The following F8 variants were observed in gnomAD, a reference collection of about 807,000 sequenced individuals.
The protein encoded by F8 is antihemophilic factor.
Under a neutral mutation model 140.6 loss-of-function variants are expected in F8, and 12 were observed. That is an observed-to-expected ratio of 0.09 (90% CI 0.05 to 0.14). The LOEUF is 0.14. Among genes scored for constraint, F8 ranks in the 10% least tolerant of loss-of-function variants. F8 has a pLI of 1.00. For synonymous variants in F8, 585 were observed against 614.6 expected (o/e 0.95, Z 0.71); for missense variants, 1,354 against 1,720.7 (o/e 0.79, Z 3.77).
chrX:154,985,442 AAAAG>A (rs1277042986), intron 5 of F8, among the ~76,000 whole-genome samples: 1 of 111,582 alleles, frequency 9.0e-6, no homozygotes, highest in African/African-American at 3.3e-5. Flanking sequence ...TCTCAAAAAA[AAAAG>A]AAAAGAAAAA....
At chrX:154,937,262 A>T (rs183972749) in intron 13 of F8, among the ~76,000 whole-genome samples, 1 of 111,795 alleles carries the variant, frequency 8.9e-6, no homozygotes, top group Non-Finnish European at 1.9e-5. Context: ...AAAATTCAAC[A>T]TAGAAAATAA....
chrX:154,913,769 A>G (rs28845018), intron 14 of F8, among the ~76,000 whole-genome samples: 62,619 of 111,753 alleles, frequency 0.56, 14,617 homozygotes, highest in African/African-American at 0.91. Context: ...CTCCACCCCC[A>G]TAGCTTTGCA....
intron 14 of F8, 116 bp downstream of exon 14, chrX:154,928,455 G>A (rs1234016052): frequency 2.0e-5 from 13 of 649,811 alleles, no homozygotes; most frequent in Non-Finnish European, 2.9e-5. Flanking sequence ...TCTCACCAGA[G>A]TAAGAGTTTC....
chrX:154,939,443 T>A (rs1230754630), intron 13 of F8, among the ~76,000 whole-genome samples: 1 of 112,484 alleles, frequency 8.9e-6, no homozygotes, highest in East Asian at 2.8e-4. Flanking sequence ...GAGATCAAAC[T>A]GCAAGGTGGC....
At chrX:154,927,749 C>T (rs1405557848) in intron 14 of F8, among the ~76,000 whole-genome samples, 1 of 111,541 alleles carries the variant, frequency 9.0e-6, no homozygotes, top group Non-Finnish European at 1.9e-5. Flanking sequence ...ATGCTTGTCC[C>T]TTCTTGTTCC....
chrX:154,923,828 C>G (rs1357484595), intron 14 of F8, among the ~76,000 whole-genome samples: 3 of 111,355 alleles, frequency 2.7e-5, no homozygotes, highest in Admixed American at 9.5e-5. Context: ...AAAATCTCAT[C>G]TCATGTGGTG....
Position 154,935,778 on chromosome X carries a change from C to T in F8, c.2114-4102G>A, listed in dbSNP as rs150382011. On this transcript the variant is annotated intron_variant, in intron 13 of 25. Transcript: ENST00000360256. ...AATAAATGTCAACAAAACTGAACAA[C>T]TAGAAGGAAAAATAGTTAGAAAACA... Among the ~76,000 whole-genome samples the T allele has an allele frequency of 8.0e-3, 888 of 111,065 alleles. 6 individuals are homozygous for T. Among genetic ancestry groups the T allele is most frequent in the Non-Finnish European group, 0.014 (725 of 52,944 alleles).
In F8 at chrX:155,022,665, C is replaced by A. The variant is rs1257471250; in HGVS notation, c.-113G>T. 8.5e-7 allele frequency: 1 copy of A among 1,176,874 alleles called. No individual in the cohort carries two copies. Among genetic ancestry groups the A allele is most frequent in the Admixed American group, 2.3e-5 (1 of 42,793 alleles). On this transcript the variant is annotated 5_prime_UTR_variant, in exon 1 of 26. Coordinates refer to ENST00000360256, the MANE Select transcript of F8 (RefSeq NM_000132.4). ...AAATTTCTGATTTAATGAAAAGTCC[C>A]AATTTCTTTGCAGAGCATTTTAAGG...
At chrX:155,007,439 C>T (rs1264940763) in intron 1 of F8, among the ~76,000 whole-genome samples, 1 of 111,854 alleles carries the variant, frequency 8.9e-6, no homozygotes, top group Non-Finnish European at 1.9e-5. Flanking sequence ...TCCAACCTGC[C>T]AGCAACAAAA....
At chrX:154,995,117 A>C (rs2073609707) in intron 3 of F8, among the ~76,000 whole-genome samples, 1 of 112,191 alleles carries the variant, frequency 8.9e-6, no homozygotes, top group South Asian at 3.7e-4. Context: ...GATTTGGCAA[A>C]GTGAGGTGAT....
intron 5 of F8, 39 bp downstream of exon 5, chrX:154,987,198 T>G (rs2073563337): frequency 9.5e-7 from 1 of 1,056,683 alleles, no homozygotes. Flanking sequence ...GCAGAGGATT[T>G]CTTTCAGGAA....
chrX:155,021,436 AAAAAT>A lies in F8; in HGVS notation c.143+969_143+973del, dbSNP rs1398895798. 8.0e-5 allele frequency among the ~76,000 whole-genome samples: 9 copies of A among 112,045 alleles called. No homozygotes were observed. The Admixed American group carries it at 8.5e-4, about 11-fold the overall frequency. ...TATAATACACATTTAAAGAAGACAA[AAAAAT>A]AAAATAAATGATTTCAGCATTCAAC... On this transcript the variant is annotated intron_variant, in intron 1 of 25. Coordinates refer to ENST00000360256, the MANE Select transcript of F8 (RefSeq NM_000132.4).
chrX:154,849,696 T>A (rs782138241), intron 25 of F8, among the ~76,000 whole-genome samples: 27 of 111,493 alleles, frequency 2.4e-4, no homozygotes, highest in Non-Finnish European at 3.8e-4. Context: ...AAATATACCA[T>A]CTTATCTTGC....
chrX:154,924,006 A>C (rs1486480652), intron 14 of F8, among the ~76,000 whole-genome samples: 1 of 112,116 alleles, frequency 8.9e-6, no homozygotes, highest in Admixed American at 9.4e-5. Context: ...TTTCCTGCAC[A>C]AGCTTTCTTT....
chrX:154,908,742 T>C (rs1343498167), intron 14 of F8: 2 of 112,121 alleles, frequency 1.8e-5, no homozygotes, highest in East Asian at 5.5e-4. Context: ...TCATTGTGTC[T>C]CACCAAGCTG....
At chrX:155,001,625 A>G (rs1557285629) in intron 1 of F8, among the ~76,000 whole-genome samples, 1 of 111,153 alleles carries the variant, frequency 9.0e-6, no homozygotes, top group Non-Finnish European at 1.9e-5. Flanking sequence ...GTAGCATTAA[A>G]TATTCTGGCC....
Position 154,931,660 on chromosome X carries a change from C to A in F8, c.2130G>T (p.Gly710=). The A allele has an allele frequency of 8.3e-7, 1 of 1,209,782 alleles. No homozygotes were observed. The highest frequency in any genetic ancestry group is 1.1e-6 in the Non-Finnish European group (1 of 893,809). The part of the protein sequence containing the change: ...SMENPGLWIL[G]CHNSDFRNRG... The stretch of plus-strand genomic sequence containing the variant: ...TGTTCCGAAAGTCTGAGTTGTGGCA[C>A]CCCAGAATCCATAGACCTGGAGATG... The change falls in exon 14 of 26, where the codon GGG becomes GGT. Residue 710 remains glycine, a synonymous_variant. Coordinates refer to ENST00000360256, the MANE Select transcript of F8 (RefSeq NM_000132.4).
chrX:155,016,295 G>A (rs2073734048), intron 1 of F8, among the ~76,000 whole-genome samples: 1 of 111,285 alleles, frequency 9.0e-6, no homozygotes, highest in African/African-American at 3.3e-5. Context: ...AACATCAAAT[G>A]TTGTCCAGGA....
chrX:154,893,337 A>G (rs782148123), intron 22 of F8, among the ~76,000 whole-genome samples: 35 of 112,579 alleles, frequency 3.1e-4, no homozygotes, highest in African/African-American at 1.1e-3. Context: ...TATTTGGCTC[A>G]TAATAAATCT....
Sources: allele counts gnomAD v4.1 joint callset (sites outside exome capture counted in the v4.1 genomes callset), GRCh38; gene constraint gnomAD v4.1.1; transcripts MANE v1.5; gene names NCBI Gene and HGNC (gene_info 2026-07-23, HGNC 2026-07-21).